RYR1: variants seen among roughly 807,000 people sequenced by gnomAD.
RYR1 encodes the protein ryanodine receptor 1, also known as central core disease of muscle.
A neutral mutation model predicts 583.5 loss-of-function variants in RYR1; 342 were observed. The ratio of observed to expected loss-of-function variants is 0.59; its 90% confidence interval spans 0.54 to 0.64. The LOEUF (loss-of-function observed/expected upper bound fraction) is 0.64. Among genes scored for constraint, RYR1 ranks in the 30% least tolerant of loss-of-function variants. The probability of loss-of-function intolerance (pLI) is 0.00; values close to 1 mark genes in which losing one functional copy is unlikely to be tolerated. For synonymous variants in RYR1, 2,791 were observed against 2,822.5 expected (o/e 0.99, Z 0.35); for missense variants, 6,032 against 6,917.2 (o/e 0.87, Z 4.54).
In RYR1 at chr19:38,490,683, G is replaced by A. The variant is rs201310026; in HGVS notation, c.6078G>A (p.Glu2026=). The A allele has an allele frequency of 3.2e-5, 52 of 1,613,886 alleles. No homozygotes were observed. The highest frequency in any genetic ancestry group is 4.2e-5 in the Non-Finnish European group (50 of 1,179,870). Residue 2026 remains glutamate (E), a synonymous_variant, in exon 37 of 106, where the codon GAG becomes GAA. Coordinates refer to ENST00000359596, the MANE Select transcript of RYR1 (RefSeq NM_000540.3). The part of the protein sequence containing the change: ...TDEEDCPLPE[E]IRQDLLDFHQ... ...AGGAAGACTGTCCTCTCCCTGAAGA[G>A]ATTCGACAGGATTTGCTTGACTTTC...
rs1457007423 is a variant in RYR1 at position 38,483,224 on chromosome 19, TG to T, written c.4708-64del. The T allele has an allele frequency of 1.9e-6, 3 of 1,583,514 alleles. No individual in the cohort carries two copies. The East Asian group carries it at 6.8e-5, about 36-fold the overall frequency. On this transcript the variant is annotated intron_variant, in intron 32 of 105. Coordinates refer to ENST00000359596, the MANE Select transcript of RYR1 (RefSeq NM_000540.3). The surrounding 1 kb of genome is among the most constrained non-coding windows in gnomAD (Gnocchi z 6.3). ...GAGGGGGCAATCCAAGAGGTCTCCC[TG>T]GAAGTGGTGTGGTGGGACAGAGGGG...
rs118192119 is a variant in RYR1 at position 38,455,328 on chromosome 19, G to A, written c.1534G>A (p.Glu512Lys). The change falls in exon 14 of 106, where the codon GAG becomes AAG. Residue 512 changes from glutamate to lysine, a missense_variant. Physicochemically the swap from Glu to Lys is moderately conservative, Grantham distance 56. Transcript: ENST00000359596. Reference sequence around the variant, plus strand: ...TGAGTTTGCAGGGGAGGAGGCAGCCGAGTCCTGGAAAGAGATTGTGAATCT... The same window carrying A: ...TGAGTTTGCAGGGGAGGAGGCAGCCAAGTCCTGGAAAGAGATTGTGAATCT... ...FAEFAGEEAA[E>K]SWKEIVNLLY... The A allele has an allele frequency of 1.2e-6, 2 of 1,614,072 alleles. No individual in the cohort carries two copies. The highest frequency in any genetic ancestry group is 2.2e-5 in the East Asian group (1 of 44,876).
chr19:38,555,081 C>T (rs73032648), intron 89 of RYR1, among the ~76,000 whole-genome samples: 8,972 of 152,150 alleles, frequency 0.059, 395 homozygotes, highest in South Asian at 0.22. Flanking sequence ...CCACCCCAGC[C>T]CCCGGTAACC....
intron 101 of RYR1, among the ~76,000 whole-genome samples, chr19:38,581,610 T>C (rs1233680022): frequency 5.9e-5 from 9 of 151,858 alleles, no homozygotes; most frequent in Admixed American, 5.9e-4. Flanking sequence ...TTGTTGTTGT[T>C]GTTCCTGAGA....
At chr19:38,470,927 C>T (rs1324899864) in intron 27 of RYR1, among the ~76,000 whole-genome samples, 1 of 152,140 alleles carries the variant, frequency 6.6e-6, no homozygotes. Flanking sequence ...ACGCAGAGTT[C>T]CTGACACCTG....
In RYR1 at chr19:38,473,615, G is replaced by A. The variant is rs750256869; in HGVS notation, c.4004G>A (p.Arg1335His). ...CCCGACCCTGACTACGAAAACCTGC[G>A]CCGCTCAGCTGGGGGCTGGAGCGAG... is the stretch of plus-strand genomic sequence containing the variant. ...AEPDPDYENL[R>H]RSAGGWSEAE... is the part of the protein sequence containing the mutation. The change falls in exon 28 of 106, where the codon CGC (arginine) becomes CAC (histidine). Residue 1335 changes from arginine (R) to histidine (H), a missense_variant. This residue lies in a region of RYR1 where 2,627 missense variants were observed against 2,961.3 expected (regional missense o/e 0.89). Coordinates refer to ENST00000359596, the MANE Select transcript of RYR1 (RefSeq NM_000540.3). The A allele has an allele frequency of 5.7e-6, 9 of 1,569,222 alleles. No homozygotes were observed. The highest frequency in any genetic ancestry group is 1.2e-5 in the South Asian group (1 of 86,220).
At position 38,490,710 on chromosome 19, in the gene RYR1, T is replaced by C. The variant is rs1555780574; in HGVS notation, c.6105T>C (p.His2035=). Residue 2035 remains histidine, a synonymous_variant, in exon 37 of 106, where the codon CAT becomes CAC. Coordinates refer to ENST00000359596, the MANE Select transcript of RYR1 (RefSeq NM_000540.3). ...TTCGACAGGATTTGCTTGACTTTCA[T>C]CAAGACCTGCTGGCACACTGTGGTA... ...EEIRQDLLDF[H]QDLLAHCGIQ... is the part of the protein sequence containing the mutation. 2 of 1,613,100 alleles carry C rather than the reference T, an allele frequency of 1.2e-6. No individual in the cohort carries two copies. Among genetic ancestry groups the C allele is most frequent in the Middle Eastern group, 3.3e-4 (2 of 6,060 alleles).
rs551754209 is a variant in RYR1, at chr19:38,563,293, T to A, written c.12625-1666T>A. Reference sequence around the variant, plus strand: ...GTGTTGTTGTTGTTTGAGACAGAGTTTCGCTCTTGTTGACCAGGCTGGAGT... The same window carrying A: ...GTGTTGTTGTTGTTTGAGACAGAGTATCGCTCTTGTTGACCAGGCTGGAGT... On this transcript the variant is annotated intron_variant, in intron 90 of 105. Transcript: ENST00000359596. Among the ~76,000 whole-genome samples, 8 of 152,306 alleles carry A rather than the reference T, an allele frequency of 5.3e-5. No individual in the cohort carries two copies. In the East Asian group the frequency reaches 1.5e-3, roughly 29 times the overall value.
chr19:38,454,451 A>AAT (rs1470934855), intron 13 of RYR1, among the ~76,000 whole-genome samples: 1 of 152,238 alleles, frequency 6.6e-6, no homozygotes, highest in African/African-American at 2.4e-5. Flanking sequence ...TTACTGAGAA[A>AAT]ATATGTGTTA....
intron 11 of RYR1, 127 bp from the exon 12 acceptor site, chr19:38,451,637 A>C: frequency 9.3e-7 from 1 of 1,078,324 alleles, no homozygotes; most frequent in Non-Finnish European, 1.4e-6. Flanking sequence ...ATGAGGAGGA[A>C]TTTGCAGTGA....
At chr19:38,454,163 C>T (rs1048649375) in intron 13 of RYR1, among the ~76,000 whole-genome samples, 1 of 152,158 alleles carries the variant, frequency 6.6e-6, no homozygotes, top group African/African-American at 2.4e-5. Context: ...CCTCAGCCTC[C>T]CAAGTAGCTG....
intron 27 of RYR1, among the ~76,000 whole-genome samples, chr19:38,472,255 C>G (rs1041263602): frequency 2.4e-4 from 36 of 152,072 alleles, no homozygotes; most frequent in Non-Finnish European, 7.4e-5. Context: ...TGTGCCACCA[C>G]GCCTGGCTAA....
In RYR1 at chr19:38,528,637, C is replaced by A. The variant is rs1370349948; in HGVS notation, c.10976C>A (p.Ala3659Asp). 6.2e-7 allele frequency: 1 copy of A among 1,614,168 alleles called. No homozygotes were observed. The highest frequency in any genetic ancestry group is 1.1e-5 in the South Asian group (1 of 91,082). ...ACNMFLESYK[A>D]AWILTEDHSF... ...AACATGTTCCTGGAGAGCTACAAGGCTGCATGGATCCTGACTGAAGACCAC... is the reference window on the plus strand; with the variant it reads ...AACATGTTCCTGGAGAGCTACAAGGATGCATGGATCCTGACTGAAGACCAC... Residue 3659 changes from alanine (A) to aspartate (D), a missense_variant, in exon 75 of 106, where the codon GCT (alanine) becomes GAT (aspartate). Physicochemically the swap from Ala to Asp is moderately radical, Grantham distance 126. Around this residue, in one of 11 missense-constraint regions of RYR1, gnomAD observed 1,493 missense variants for 1,715.5 expected, o/e 0.87. Transcript: ENST00000359596.
chr19:38,492,808 C>G (rs1446450325), intron 38 of RYR1, among the ~76,000 whole-genome samples, 172 bp downstream of exon 38: 1 of 151,984 alleles, frequency 6.6e-6, no homozygotes, highest in African/African-American at 2.4e-5. Flanking sequence ...GTGGCTCACG[C>G]CTGTAATCCC....
chr19:38,473,542 C>T lies in RYR1; in HGVS notation c.3931C>T (p.Pro1311Ser). Reference protein sequence around the residue: ...RCTAGATPLAPPGLQPPAEDE... With the variant: ...RCTAGATPLASPGLQPPAEDE... ...CACTGCAGGGGCCACCCCGCTGGCA[C>T]CTCCTGGCCTGCAGCCCCCCGCCGA... Residue 1311 changes from proline to serine, a missense_variant, in exon 28 of 106, where the codon CCT becomes TCT. By Grantham distance (74) the Pro-to-Ser change is moderately conservative (BLOSUM62 -1). This residue lies in a region of RYR1 where 2,627 missense variants were observed against 2,961.3 expected (regional missense o/e 0.89). Coordinates refer to ENST00000359596, the MANE Select transcript of RYR1 (RefSeq NM_000540.3). 1 of 1,606,658 alleles carries T rather than the reference C, an allele frequency of 6.2e-7. No individual in the cohort carries two copies. The highest frequency in any genetic ancestry group is 2.2e-5 in the East Asian group (1 of 44,484).
At chr19:38,564,698 A>G (rs553802323) in intron 90 of RYR1, among the ~76,000 whole-genome samples, 3 of 152,156 alleles carry the variant, frequency 2.0e-5, no homozygotes, top group Non-Finnish European at 2.9e-5. Context: ...CATTTTTAGT[A>G]GAGACGGGGG....
In RYR1 at chr19:38,468,903, T is replaced by C. The variant is rs1968265270; in HGVS notation, c.3382-63T>C. 1.9e-6 allele frequency: 3 copies of C among 1,556,298 alleles called. No individual in the cohort carries two copies. The East Asian group carries it at 6.7e-5, about 35-fold the overall frequency. ...CTTCATATATCTCTCCCTCCCTGCT[T>C]CCTTATCTCTCCATTTCTCTGTGTG... On this transcript the variant is annotated intron_variant, in intron 25 of 105. Coordinates refer to ENST00000359596, the MANE Select transcript of RYR1 (RefSeq NM_000540.3).
Position 38,561,239 on chromosome 19 carries a change from G to C in RYR1, c.12409G>C (p.Asp4137His), listed in dbSNP as rs200312759. The C allele has an allele frequency of 3.7e-6, 6 of 1,613,952 alleles. No individual in the cohort carries two copies. In the East Asian group the frequency reaches 8.9e-5, roughly 24 times the overall value. Residue 4137 changes from aspartate to histidine, a missense_variant, in exon 90 of 106, where the codon GAC (aspartate) becomes CAC (histidine). Asp to His is a moderately conservative substitution (Grantham distance 81, BLOSUM62 -1). Transcript: ENST00000359596. The surrounding 1 kb of genome is among the most constrained non-coding windows in gnomAD (Gnocchi z 4.8). ...FANRFQEPARDIGFNVAVLLT... is the reference protein window; with the variant it reads ...FANRFQEPARHIGFNVAVLLT... ...CAACCGCTTCCAGGAGCCAGCACGCGACATCGGCTTCAACGTGGCGGTGCT... is the reference window on the plus strand; with the variant it reads ...CAACCGCTTCCAGGAGCCAGCACGCCACATCGGCTTCAACGTGGCGGTGCT...
Position 38,496,871 on chromosome 19 carries a change from T to C in RYR1, c.6808T>C (p.Ser2270Pro). ...NSGIGLGMQG[S>P]TPLDVAAASV... Reference sequence around the variant, plus strand: ...TCTCGCCCCTGCAGGCATGCAGGGCTCCACGCCCCTGGACGTGGCTGCTGC... The same window carrying C: ...TCTCGCCCCTGCAGGCATGCAGGGCCCCACGCCCCTGGACGTGGCTGCTGC... The change falls in exon 42 of 106, where the codon TCC (serine) becomes CCC (proline). Residue 2270 changes from serine (S) to proline (P), a missense_variant. Physicochemically the swap from Ser to Pro is moderately conservative, Grantham distance 74. Transcript: ENST00000359596. This position sits in a 1 kb window ranked among gnomAD's most constrained non-coding sequence, Gnocchi z 4.8. 1.9e-6 allele frequency: 3 copies of C among 1,613,396 alleles called. No homozygotes were observed. Among genetic ancestry groups the C allele is most frequent in the East Asian group, 4.5e-5 (2 of 44,868 alleles).
Sources: gnomAD v4.1 joint callset for allele counts (sites outside exome capture counted in the v4.1 genomes callset) on GRCh38, gnomAD v4.1.1 for gene constraint, gnomAD v4.1.1 regional missense constraint, Gnocchi (gnomAD v3.1) non-coding constraint, MANE v1.5 for transcripts, NCBI Gene and HGNC (gene_info 2026-07-23, HGNC 2026-07-21) for gene names.